The following JARID2 variants were observed in gnomAD, a reference collection of about 807,000 sequenced individuals.
JARID2 encodes the protein jumonji and AT-rich interaction domain containing 2.
In JARID2, 21 loss-of-function variants were observed where a neutral mutation model predicts 125.6. That is an observed-to-expected ratio of 0.17 (90% CI 0.12 to 0.24). JARID2 has a LOEUF of 0.24. Ranked by LOEUF, JARID2 falls within the 10% of genes least tolerant of loss-of-function variation. JARID2 has a pLI of 1.00. For missense variants in JARID2, 1,303 were observed against 1,639.6 expected, an observed-to-expected ratio of 0.79 and a Z score of 3.55; for synonymous variants, 736 against 661.6, an observed-to-expected ratio of 1.11 and a Z score of -1.73.
At chr6:15,364,477 T>C (rs1201870694) in intron 1 of JARID2, among the ~76,000 whole-genome samples, 1 of 152,226 alleles carries the variant, frequency 6.6e-6, no homozygotes, top group Non-Finnish European at 1.5e-5. Flanking sequence ...TACTTCATCT[T>C]CAGGATGTTT....
chr6:15,488,846 A>T (rs1770008983), intron 6 of JARID2, among the ~76,000 whole-genome samples: 1 of 152,162 alleles, frequency 6.6e-6, no homozygotes, highest in Admixed American at 6.5e-5. Flanking sequence ...TGGCCAAAAC[A>T]GACCTCAGTT....
intron 5 of JARID2, among the ~76,000 whole-genome samples, chr6:15,479,265 A>G (rs1769498174): frequency 6.6e-6 from 1 of 152,232 alleles, no homozygotes; most frequent in Non-Finnish European, 1.5e-5. Context: ...GGGGGCCAAG[A>G]GGGCCAAGAA....
At chr6:15,289,554 A>AG (rs1761128529) in intron 1 of JARID2, among the ~76,000 whole-genome samples, 1 of 152,092 alleles carries the variant, frequency 6.6e-6, no homozygotes, top group South Asian at 2.1e-4. Context: ...TAAATTGTAA[A>AG]AAAAAAAAAC....
intron 5 of JARID2, among the ~76,000 whole-genome samples, chr6:15,471,346 T>C (rs1055526346): frequency 1.3e-5 from 2 of 152,234 alleles, no homozygotes; most frequent in African/African-American, 2.4e-5. Flanking sequence ...TGGAGAACTT[T>C]TTCTTGTGAA....
At chr6:15,469,264 CTCTG>C (rs1327135226) in intron 5 of JARID2, among the ~76,000 whole-genome samples, 10 of 112,336 alleles carry the variant, frequency 8.9e-5, no homozygotes, top group Non-Finnish European at 1.5e-4. Flanking sequence ...GGTCTTTTCT[CTCTG>C]TCTCTCTGTC....
chr6:15,428,881 G>T (rs1262354333), intron 3 of JARID2, among the ~76,000 whole-genome samples: 1 of 150,040 alleles, frequency 6.7e-6, no homozygotes, highest in Non-Finnish European at 1.5e-5. Context: ...ACTCCAACCT[G>T]GGGGACACAG....
At chr6:15,419,200 C>G (rs1274692633) in intron 3 of JARID2, among the ~76,000 whole-genome samples, 1 of 152,130 alleles carries the variant, frequency 6.6e-6, no homozygotes, top group Non-Finnish European at 1.5e-5. Context: ...TTCCACTGAT[C>G]AGGTTATTTG....
At chr6:15,502,538 C>T (rs1284784699) in intron 8 of JARID2, among the ~76,000 whole-genome samples, 2 of 152,222 alleles carry the variant, frequency 1.3e-5, no homozygotes, top group Admixed American at 6.5e-5. Context: ...CCCACGGCTG[C>T]CTGACTGCAG....
At chr6:15,282,978 T>A (rs768584789) in intron 1 of JARID2, among the ~76,000 whole-genome samples, 4 of 151,872 alleles carry the variant, frequency 2.6e-5, no homozygotes, top group Admixed American at 6.6e-5. Flanking sequence ...TCTATTTTTT[T>A]ATTTTTTTTA....
At chr6:15,426,228 CAAGTG>C (rs1338196055) in intron 3 of JARID2, among the ~76,000 whole-genome samples, 1 of 152,098 alleles carries the variant, frequency 6.6e-6, no homozygotes, top group Non-Finnish European at 1.5e-5. Context: ...CGAGGTTTGA[CAAGTG>C]AAGGGTTCTT....
At chr6:15,402,799 C>G (rs1254784705) in intron 2 of JARID2, among the ~76,000 whole-genome samples, 2 of 151,950 alleles carry the variant, frequency 1.3e-5, no homozygotes, top group African/African-American at 4.8e-5. Context: ...CTAGGGGATT[C>G]CAGGGATTTA....
At chr6:15,274,252 G>T (rs759806919) in intron 1 of JARID2, among the ~76,000 whole-genome samples, 2 of 152,116 alleles carry the variant, frequency 1.3e-5, no homozygotes, top group Non-Finnish European at 2.9e-5. Flanking sequence ...TTTGAAAAAG[G>T]AGTTTTTGGG....
intron 1 of JARID2, among the ~76,000 whole-genome samples, chr6:15,275,772 C>A (rs1301611022): frequency 6.6e-6 from 1 of 151,974 alleles, no homozygotes; most frequent in Non-Finnish European, 1.5e-5. Context: ...ACTTTTGTCC[C>A]CTTTCCTTCT....
At chr6:15,506,699 TA>T (rs1236777819) in intron 9 of JARID2, among the ~76,000 whole-genome samples, 3 of 152,182 alleles carry the variant, frequency 2.0e-5, no homozygotes, top group Non-Finnish European at 4.4e-5. Context: ...TGGGACATAT[TA>T]AAAGTCACTT....
intron 2 of JARID2, among the ~76,000 whole-genome samples, chr6:15,393,162 A>G (rs1292346023): frequency 6.6e-6 from 1 of 152,034 alleles, no homozygotes; most frequent in Non-Finnish European, 1.5e-5. Flanking sequence ...GTATTCTTTC[A>G]GCTATCCTCA....
At chr6:15,259,414 A>G (rs1759788562) in intron 1 of JARID2, among the ~76,000 whole-genome samples, 1 of 152,220 alleles carries the variant, frequency 6.6e-6, no homozygotes, top group Admixed American at 6.5e-5. Flanking sequence ...TCAAATTGGT[A>G]GCACATGGTT....
intron 1 of JARID2, among the ~76,000 whole-genome samples, chr6:15,268,953 G>A (rs1760193698): frequency 1.3e-5 from 2 of 152,190 alleles, no homozygotes; most frequent in Admixed American, 6.5e-5. Context: ...AAAGTCAGGC[G>A]TGTGCGTGTG....
At chr6:15,336,121 A>G (rs1298673784) in intron 1 of JARID2, among the ~76,000 whole-genome samples, 1 of 152,080 alleles carries the variant, frequency 6.6e-6, no homozygotes, top group Non-Finnish European at 1.5e-5. Context: ...GAATGAATAA[A>G]TAAATAAATA....
At chr6:15,425,734 A>G (rs1016216170) in intron 3 of JARID2, among the ~76,000 whole-genome samples, 2 of 152,194 alleles carry the variant, frequency 1.3e-5, no homozygotes, top group African/African-American at 4.8e-5. Context: ...TTTATATGTT[A>G]CGCAGTGTTA....
Sources: gnomAD v4.1 joint callset for allele counts (sites outside exome capture counted in the v4.1 genomes callset) on GRCh38, gnomAD v4.1.1 for gene constraint, MANE v1.5 for transcripts, NCBI Gene and HGNC (gene_info 2026-07-23, HGNC 2026-07-21) for gene names.